YAE1: variants seen among roughly 807,000 people sequenced by gnomAD.
YAE1 encodes YAE1 maturation factor of ABCE1.
YAE1 carries 22 observed loss-of-function variants against 23.0 expected under a neutral mutation model. The observed-to-expected ratio is 0.96, with a 90% CI of 0.68 to 1.37. The LOEUF (loss-of-function observed/expected upper bound fraction) is 1.37. Ranked by LOEUF, YAE1 falls within the 40% of genes most tolerant of loss-of-function variation. The pLI is 0.00. For synonymous variants in YAE1, 101 were observed against 97.0 expected (o/e 1.04, Z -0.24); for missense variants, 260 against 262.1 (o/e 0.99, Z 0.06).
intron 2 of YAE1, among the ~76,000 whole-genome samples, chr7:39,584,511 TC>T (rs149662813): frequency 0.079 from 12,021 of 152,212 alleles, 1,064 homozygotes; most frequent in African/African-American, 0.21. Flanking sequence ...CAGTATTTTT[TC>T]CCTTATCCTA....
intron 2 of YAE1, among the ~76,000 whole-genome samples, chr7:39,597,559 T>A (rs1468797234): frequency 1.3e-5 from 2 of 152,206 alleles, no homozygotes; most frequent in Non-Finnish European, 1.5e-5. Flanking sequence ...TCCTAAGTTA[T>A]GTTTTGCTTT....
At chr7:39,570,197 A>T in intron 1 of YAE1, 2 of 657,692 alleles carry the variant, frequency 3.0e-6, no homozygotes, top group East Asian at 2.6e-5. Context: ...GGAGGGTGCC[A>T]TGTCTGCCGC....
chr7:39,610,591 A>T (rs574755219), downstream of YAE1, among the ~76,000 whole-genome samples: 1 of 152,274 alleles, frequency 6.6e-6, no homozygotes, highest in African/African-American at 2.4e-5. Flanking sequence ...GAGTTTCCCC[A>T]AGCACAGTTC....
intron 2 of YAE1, among the ~76,000 whole-genome samples, chr7:39,578,375 G>A (rs543111183): frequency 2.0e-5 from 3 of 152,230 alleles, no homozygotes; most frequent in African/African-American, 7.2e-5. Flanking sequence ...AATAAAAGCA[G>A]GCTGCCCAAG....
intron 2 of YAE1, among the ~76,000 whole-genome samples, chr7:39,577,930 C>T (rs565710594): frequency 6.8e-6 from 1 of 146,284 alleles, no homozygotes; most frequent in African/African-American, 2.8e-5. Flanking sequence ...AGTCAGCACT[C>T]TGTGTCTAGC....
chr7:39,588,210 G>T (rs1201769073), intron 2 of YAE1, among the ~76,000 whole-genome samples: 1 of 152,184 alleles, frequency 6.6e-6, no homozygotes, highest in Non-Finnish European at 1.5e-5. Context: ...GCTTGACAAA[G>T]TTTAGAAGAA....
intron 2 of YAE1, among the ~76,000 whole-genome samples, chr7:39,584,276 G>A (rs776105784): frequency 6.6e-6 from 1 of 152,082 alleles, no homozygotes. Context: ...AACTCTCAGG[G>A]CATATTTTTT....
At chr7:39,567,383 G>A (rs1790489701) in intron 1 of YAE1, among the ~76,000 whole-genome samples, 1 of 152,124 alleles carries the variant, frequency 6.6e-6, no homozygotes, top group African/African-American at 2.4e-5. Context: ...GATGCAGAAC[G>A]AAATCACTAC....
intron 2 of YAE1, among the ~76,000 whole-genome samples, chr7:39,588,473 C>T (rs1293768884): frequency 6.9e-6 from 1 of 144,100 alleles, no homozygotes; most frequent in Admixed American, 7.3e-5. Context: ...TGTACTCCAG[C>T]GTGGGCAACA....
rs115428251 is a variant in YAE1 at position 39,604,253 on chromosome 7, C to A, written c.252-5364C>A. On this transcript the variant is annotated intron_variant, in intron 2 of 2. Coordinates refer to the YAE1 transcript ENST00000432096. Reference sequence around the variant, plus strand: ...ATCTCCTTTTGAAAAATTTGGAAACCTTTTCAAGAAGCAACTCAACAGAGT... The same window carrying A: ...ATCTCCTTTTGAAAAATTTGGAAACATTTTCAAGAAGCAACTCAACAGAGT... Among the ~76,000 whole-genome samples the A allele has an allele frequency of 1.9e-3, 286 of 152,280 alleles. 1 individual carries two copies. The highest frequency in any genetic ancestry group is 6.5e-3 in the African/African-American group (269 of 41,562).
chr7:39,575,579 TGA>T (rs373707883), downstream of YAE1, among the ~76,000 whole-genome samples: 7,170 of 76,394 alleles, frequency 0.094, 556 homozygotes, highest in African/African-American at 0.31. Flanking sequence ...AGAGAGAGAG[TGA>T]GTGTGTGTGT....
chr7:39,574,163 T>A (rs562630911), downstream of YAE1, among the ~76,000 whole-genome samples: 1 of 152,334 alleles, frequency 6.6e-6, no homozygotes, highest in African/African-American at 2.4e-5. Flanking sequence ...CTGATAAGAT[T>A]CCCTGAAGAT....
chr7:39,597,102 A>T (rs918652043), intron 2 of YAE1, among the ~76,000 whole-genome samples: 4 of 152,278 alleles, frequency 2.6e-5, no homozygotes, highest in Admixed American at 6.5e-5. Flanking sequence ...TTGTCCCTTA[A>T]AGGAAATCAT....
chr7:39,603,967 T>C (rs1380941427), intron 2 of YAE1, among the ~76,000 whole-genome samples: 1 of 152,230 alleles, frequency 6.6e-6, no homozygotes, highest in Non-Finnish European at 1.5e-5. Context: ...GCAGAATCTA[T>C]CAATTAAGAT....
chr7:39,569,399 C>T, intron 1 of YAE1: 1 of 445,594 alleles, frequency 2.2e-6, no homozygotes, highest in Non-Finnish European at 4.4e-6. Flanking sequence ...AGTGATGGAC[C>T]CAGAGAGTGT....
At position 39,600,540 on chromosome 7, in the gene YAE1, G is replaced by T. The variant is rs559645763; in HGVS notation, c.252-9077G>T. Among the ~76,000 whole-genome samples, 527 of 152,162 alleles carry T rather than the reference G, an allele frequency of 3.5e-3. 6 individuals carry two copies. Among genetic ancestry groups the T allele is most frequent in the African/African-American group, 0.012 (499 of 41,522 alleles). On this transcript the variant is annotated intron_variant, in intron 2 of 2. Transcript: ENST00000432096. ...AGCCTCCTAAGTAGCTGGGATTACAGGCATGTGCTGCCACACCTGGCTAAT... is the reference window on the plus strand; with the variant it reads ...AGCCTCCTAAGTAGCTGGGATTACATGCATGTGCTGCCACACCTGGCTAAT...
At chr7:39,581,076 C>A (rs1306578982) in intron 2 of YAE1, among the ~76,000 whole-genome samples, 1 of 152,216 alleles carries the variant, frequency 6.6e-6, no homozygotes, top group Non-Finnish European at 1.5e-5. Context: ...TTCTCTCACA[C>A]ACACAAACAC....
intron 2 of YAE1, among the ~76,000 whole-genome samples, chr7:39,592,261 A>G (rs1220106599): frequency 3.3e-5 from 5 of 151,492 alleles, no homozygotes; most frequent in Non-Finnish European, 1.5e-5. Flanking sequence ...CCACCAAACT[A>G]TCTTCCAGAG....
At chr7:39,610,031 C>A in exon 3 of YAE1, 1 of 1,490,344 alleles carries the variant, frequency 6.7e-7, no homozygotes, top group Admixed American at 2.2e-5. Flanking sequence ...GGAAAGCCAG[C>A]CTCAGTCCTC....
Sources: gnomAD v4.1 joint callset for allele counts (sites outside exome capture counted in the v4.1 genomes callset) on GRCh38, gnomAD v4.1.1 for gene constraint, MANE v1.5 for transcripts, NCBI Gene and HGNC (gene_info 2026-07-23, HGNC 2026-07-21) for gene names.